Variants in PCCA observed in about 807,000 individuals in gnomAD.
The protein encoded by PCCA is propionyl-CoA carboxylase alpha chain, mitochondrial.
A neutral mutation model predicts 101.3 loss-of-function variants in PCCA; 74 were observed. That is an observed-to-expected ratio of 0.73 (90% CI 0.61 to 0.89). The LOEUF (loss-of-function observed/expected upper bound fraction) is 0.89. PCCA is among the 40% of genes least tolerant of loss of function. The probability of loss-of-function intolerance (pLI) is 0.00; values close to 1 mark genes in which losing one functional copy is unlikely to be tolerated. For synonymous variants in PCCA, 294 were observed against 313.6 expected, an observed-to-expected ratio of 0.94 and a Z score of 0.66; for missense variants, 891 against 907.0, an observed-to-expected ratio of 0.98 and a Z score of 0.23.
chr13:100,376,402 C>T (rs1178050368), intron 19 of PCCA, among the ~76,000 whole-genome samples: 1 of 152,216 alleles, frequency 6.6e-6, no homozygotes, highest in Non-Finnish European at 1.5e-5. Flanking sequence ...CTGCTCTCTT[C>T]AGAGCCAGCA....
intron 19 of PCCA, among the ~76,000 whole-genome samples, chr13:100,380,032 AACACACACAC>A (rs140284754): frequency 6.7e-6 from 1 of 149,570 alleles, no homozygotes; most frequent in South Asian, 2.1e-4. Flanking sequence ...AAGTAATCTA[AACACACACAC>A]ACACACACAC....
rs1054183089 is a variant in PCCA, at chr13:100,449,562, C to T, written c.1899+257C>T. On this transcript the variant is annotated intron_variant, in intron 21 of 23. Coordinates refer to ENST00000376285, the MANE Select transcript of PCCA (RefSeq NM_000282.4). Reference sequence around the variant, plus strand: ...AGTATAGGGGCACAATCTCAGCTCACTGCAACCTCTGCCTCCCGGGTTCAA... The same window carrying T: ...AGTATAGGGGCACAATCTCAGCTCATTGCAACCTCTGCCTCCCGGGTTCAA... Among the ~76,000 whole-genome samples the T allele has an allele frequency of 2.0e-5, 3 of 152,220 alleles. No individual in the cohort carries two copies. The East Asian group carries it at 5.8e-4, about 29-fold the overall frequency.
chr13:100,280,583 T>G (rs1411909065), intron 12 of PCCA, among the ~76,000 whole-genome samples: 1 of 152,080 alleles, frequency 6.6e-6, no homozygotes, highest in Non-Finnish European at 1.5e-5. Context: ...TCTCCACATT[T>G]GAAAGATGGA....
At chr13:100,475,754 T>A (rs2083367122) in intron 21 of PCCA, among the ~76,000 whole-genome samples, 1 of 152,162 alleles carries the variant, frequency 6.6e-6, no homozygotes, top group Admixed American at 6.5e-5. Flanking sequence ...CATTTTACCC[T>A]CCCACCAGCA....
At chr13:100,317,331 A>G (rs2067474236) in intron 16 of PCCA, among the ~76,000 whole-genome samples, 1 of 151,932 alleles carries the variant, frequency 6.6e-6, no homozygotes, top group Non-Finnish European at 1.5e-5. Context: ...TCTCTGTCTC[A>G]CCCTGTTTTG....
At position 100,157,239 on chromosome 13, in the gene PCCA, T is replaced by C. The variant is rs112328595; in HGVS notation, c.415-48T>C. On this transcript the variant is annotated intron_variant, in intron 5 of 23. Transcript: ENST00000376285. ...GCACTGTACATTTTGCTTATAAAGC[T>C]TTTGCAATATGATAAAATTGAAAGT... The C allele has an allele frequency of 8.2e-6, 11 of 1,338,720 alleles. No homozygotes were observed. In the African/African-American group the frequency reaches 1.0e-4, roughly 12 times the overall value. The allele number at this position is 1,338,720 out of a possible 1,614,324, so 82.9% of individuals were successfully genotyped here. A position where few individuals can be genotyped will look rare whatever the true frequency, so the allele number is the denominator to read the frequency against.
At chr13:100,517,555 G>A (rs2086927855) in intron 22 of PCCA, among the ~76,000 whole-genome samples, 1 of 152,146 alleles carries the variant, frequency 6.6e-6, no homozygotes, top group Non-Finnish European at 1.5e-5. Context: ...GCAGAGCAAC[G>A]GGGCCTATAT....
At chr13:100,362,244 A>G (rs1374972499) in intron 18 of PCCA, among the ~76,000 whole-genome samples, 1 of 152,166 alleles carries the variant, frequency 6.6e-6, no homozygotes, top group Non-Finnish European at 1.5e-5. Context: ...GAATGACAGA[A>G]CTTAAGATCT....
intron 6 of PCCA, among the ~76,000 whole-genome samples, chr13:100,194,241 A>G (rs1408324087): frequency 1.3e-5 from 2 of 152,202 alleles, no homozygotes; most frequent in Non-Finnish European, 2.9e-5. Context: ...TCTTATTTCT[A>G]TCCAGCAATG....
At chr13:100,144,640 A>G (rs1038896960) in intron 4 of PCCA, among the ~76,000 whole-genome samples, 9 of 152,178 alleles carry the variant, frequency 5.9e-5, no homozygotes, top group African/African-American at 2.2e-4. Context: ...TATATTTCCT[A>G]TGTTAAGAAA....
chr13:100,119,065 C>T (rs1224803561), intron 4 of PCCA, among the ~76,000 whole-genome samples: 2 of 151,886 alleles, frequency 1.3e-5, no homozygotes, highest in African/African-American at 2.4e-5. Context: ...GTTTTTGCAT[C>T]GATAATGAAA....
At chr13:100,397,349 G>A (rs898724937) in intron 19 of PCCA, among the ~76,000 whole-genome samples, 3 of 152,090 alleles carry the variant, frequency 2.0e-5, no homozygotes, top group African/African-American at 7.2e-5. Context: ...GGTTAGTAAC[G>A]TCTCCATTGT....
intron 6 of PCCA, among the ~76,000 whole-genome samples, chr13:100,163,664 T>G (rs1473852744): frequency 6.6e-6 from 1 of 152,218 alleles, no homozygotes; most frequent in African/African-American, 2.4e-5. Context: ...AATTGAGTGA[T>G]TTGTAGTATA....
chr13:100,379,103 A>G (rs543792400), intron 19 of PCCA, among the ~76,000 whole-genome samples: 81 of 152,294 alleles, frequency 5.3e-4, no homozygotes, highest in Admixed American at 5.3e-3. Flanking sequence ...CTGAAGATGT[A>G]TCCATGCTGT....
At chr13:100,398,374 G>C (rs573026703) in intron 19 of PCCA, among the ~76,000 whole-genome samples, 19 of 152,250 alleles carry the variant, frequency 1.2e-4, no homozygotes, top group Non-Finnish European at 2.2e-4. Context: ...TTTCATTCTT[G>C]GTTGAGTATA....
At chr13:100,203,455 C>T (rs143829191) in intron 6 of PCCA, among the ~76,000 whole-genome samples, 2,332 of 151,918 alleles carry the variant, frequency 0.015, 65 homozygotes, top group African/African-American at 0.053. Flanking sequence ...TTTGGGAGGC[C>T]GAGGCGGGTG....
chr13:100,450,761 G>A (rs1439860028), intron 21 of PCCA, among the ~76,000 whole-genome samples: 1 of 152,138 alleles, frequency 6.6e-6, no homozygotes, highest in Non-Finnish European at 1.5e-5. Flanking sequence ...ATATGTATAG[G>A]TACTTGGTCA....
chr13:100,430,709 A>G (rs1476305507), intron 20 of PCCA, among the ~76,000 whole-genome samples: 1 of 152,142 alleles, frequency 6.6e-6, no homozygotes, highest in Non-Finnish European at 1.5e-5. Context: ...TCCTCTTGAC[A>G]TAGGAGGTTC....
chr13:100,246,488 G>T (rs185348533), intron 8 of PCCA, among the ~76,000 whole-genome samples: 46 of 151,754 alleles, frequency 3.0e-4, no homozygotes, highest in Admixed American at 1.7e-3. Context: ...TTTTGTTGTT[G>T]TTGTTGTTTT....
Sources: gnomAD v4.1 joint callset for allele counts (sites outside exome capture counted in the v4.1 genomes callset) on GRCh38, gnomAD v4.1.1 for gene constraint, MANE v1.5 for transcripts, NCBI Gene and HGNC (gene_info 2026-07-23, HGNC 2026-07-21) for gene names.